The following RELN variants were observed in gnomAD, a reference collection of about 807,000 sequenced individuals.
RELN encodes the protein reelin.
A neutral mutation model predicts 427.6 loss-of-function variants in RELN; 108 were observed. The ratio of observed to expected loss-of-function variants is 0.25; its 90% confidence interval spans 0.22 to 0.30. RELN has a LOEUF of 0.30. Ranked by LOEUF, RELN falls within the 10% of genes least tolerant of loss-of-function variation. The pLI, the probability that RELN is intolerant of heterozygous loss-of-function variation, is 1.00. For synonymous variants in RELN, 1,524 were observed against 1,513.4 expected (o/e 1.01, Z -0.16); for missense variants, 3,715 against 4,302.8 (o/e 0.86, Z 3.82).
At chr7:103,852,672 T>TTG (rs1563051774) in intron 2 of RELN, among the ~76,000 whole-genome samples, 4 of 151,548 alleles carry the variant, frequency 2.6e-5, no homozygotes, top group Admixed American at 6.6e-5. Flanking sequence ...CACCTTTGTT[T>TTG]TTGTTGTTGT....
At chr7:103,753,031 T>C (rs761805610) in intron 5 of RELN, 151 bp downstream of exon 5, 6 of 775,762 alleles carry the variant, frequency 7.7e-6, no homozygotes, top group Non-Finnish European at 8.9e-6. Context: ...TGTGTTCAAG[T>C]ATAATCCGTA....
intron 10 of RELN, 144 bp from the exon 11 acceptor site, chr7:103,682,405 C>T (rs1385250898): frequency 2.4e-6 from 2 of 847,002 alleles, no homozygotes; most frequent in East Asian, 5.1e-5. Context: ...AGCTTGTTAC[C>T]TCTTTTTTGC....
chr7:103,589,794 G>A lies in RELN; in HGVS notation c.3947C>T (p.Thr1316Ile), dbSNP rs1402063651. The change falls in exon 28 of 65, where the codon ACT becomes ATT. Residue 1316 changes from threonine (T) to isoleucine (I), a missense_variant. This residue lies in a region of RELN where 2,208 missense variants were observed against 2,361.7 expected (regional missense o/e 0.93). Coordinates refer to ENST00000428762, the MANE Select transcript of RELN (RefSeq NM_005045.4). ...AGAGTACTGAAGAAGAACTGGAGCA[G>A]TACTGCTGAATTGATTGGCACAACC... ...NIGCANQFSSTAPVLLQYSHD... is the reference protein window; with the variant it reads ...NIGCANQFSSIAPVLLQYSHD... 3.1e-6 allele frequency: 5 copies of A among 1,612,020 alleles called. No homozygotes were observed. Among genetic ancestry groups the A allele is most frequent in the African/African-American group, 2.7e-5 (2 of 75,004 alleles).
intron 28 of RELN, among the ~76,000 whole-genome samples, chr7:103,576,945 T>C (rs6465928): frequency 0.48 from 72,710 of 152,020 alleles, 17,440 homozygotes; most frequent in East Asian, 0.51. Flanking sequence ...TGGAAACACG[T>C]GCACACACGC....
chr7:103,813,864 TATTTA>T lies in RELN; in HGVS notation c.473+19668_473+19672del, dbSNP rs576897899. On this transcript the variant is annotated intron_variant, in intron 3 of 64. Transcript: ENST00000428762. The stretch of plus-strand genomic sequence containing the variant: ...TCACAAGACTATATCTTCATTCTTT[TATTTA>T]AAGTTTTTCTTTTCTTTTCACCCAG... 5.6e-4 allele frequency among the ~76,000 whole-genome samples: 86 copies of T among 152,320 alleles called. 1 individual carries two copies. The highest frequency in any genetic ancestry group is 1.6e-3 in the Admixed American group (24 of 15,294).
At chr7:103,596,143 C>T (rs1831532037) in intron 25 of RELN, among the ~76,000 whole-genome samples, 1 of 152,142 alleles carries the variant, frequency 6.6e-6, no homozygotes, top group African/African-American at 2.4e-5. Context: ...ATCAAACAAG[C>T]CTGCAAATGG....
chr7:103,566,828 A>G (rs1830764683), intron 31 of RELN, 69 bp from the exon 32 acceptor site: 1 of 1,475,946 alleles, frequency 6.8e-7, no homozygotes, highest in African/African-American at 1.4e-5. Flanking sequence ...TATTTCTTAA[A>G]TGGTGAGACT....
intron 11 of RELN, among the ~76,000 whole-genome samples, chr7:103,671,609 A>G (rs1216191508): frequency 6.6e-6 from 1 of 152,158 alleles, no homozygotes; most frequent in Admixed American, 6.6e-5. Flanking sequence ...ATTCAAATGA[A>G]CTTCTAAATT....
chr7:103,587,868 CA>C (rs1220682436), intron 28 of RELN, among the ~76,000 whole-genome samples: 2 of 151,806 alleles, frequency 1.3e-5, no homozygotes, highest in African/African-American at 4.8e-5. Context: ...ATTCAAAAGA[CA>C]AAAAACAAAC....
chr7:103,482,853 G>T lies in RELN; in HGVS notation c.10280+20C>A. The T allele has an allele frequency of 1.9e-6, 3 of 1,610,914 alleles. No homozygotes were observed. On this transcript the variant is annotated intron_variant, in intron 63 of 64. Coordinates refer to ENST00000428762, the MANE Select transcript of RELN (RefSeq NM_005045.4). ...AACCTTCCTGAAATGGACATGGGAT[G>T]CCATGTAATAGATACTCACAGGACG...
At chr7:103,665,025 T>C (rs1375062551) in intron 11 of RELN, among the ~76,000 whole-genome samples, 2 of 152,198 alleles carry the variant, frequency 1.3e-5, no homozygotes, top group Admixed American at 6.5e-5. Context: ...CCTCAAATCA[T>C]AGAGATACTC....
intron 20 of RELN, chr7:103,628,353 C>G (rs929424007): frequency 7.2e-5 from 11 of 152,254 alleles, no homozygotes; most frequent in African/African-American, 2.7e-4. Context: ...GCACTCCAGC[C>G]TGGGTGACAA....
At chr7:103,512,935 CTT>C (rs1829463698) in intron 50 of RELN, 1 of 152,152 alleles carries the variant, frequency 6.6e-6, no homozygotes, top group Non-Finnish European at 1.5e-5. Flanking sequence ...CATATTGTGT[CTT>C]TTTGATTTTG....
rs188372756 is a variant in RELN at position 103,753,175 on chromosome 7, C to A, written c.577+7G>T. On this transcript the variant is annotated splice_region_variant and intron_variant, in intron 5 of 64. Transcript: ENST00000428762. ...AAGTTAATGACATCAGAGTCTTAAA[C>A]ACTTACCTAGATGTGGGTGCACAGT... 1.6e-4 allele frequency: 254 copies of A among 1,613,834 alleles called. No individual in the cohort carries two copies. The African/African-American group carries it at 3.2e-3, about 20-fold the overall frequency.
intron 28 of RELN, among the ~76,000 whole-genome samples, chr7:103,584,136 G>T (rs1035689402): frequency 5.9e-5 from 9 of 152,218 alleles, no homozygotes; most frequent in African/African-American, 2.2e-4. Context: ...AGGTCCCCCA[G>T]TTCTCTAGCC....
chr7:103,796,532 A>G (rs1444655537), intron 3 of RELN, among the ~76,000 whole-genome samples: 2 of 152,192 alleles, frequency 1.3e-5, no homozygotes, highest in African/African-American at 4.8e-5. Context: ...TCCAAAATTT[A>G]CCAAAGAGAG....
At chr7:103,566,084 A>G (rs1830744159) in intron 33 of RELN, 140 bp downstream of exon 33, 3 of 739,532 alleles carry the variant, frequency 4.1e-6, no homozygotes, top group Middle Eastern at 3.7e-4. Flanking sequence ...GCACAATAAA[A>G]CTTTTTTTTC....
At chr7:103,835,368 GAT>G (rs1394490353) in intron 2 of RELN, among the ~76,000 whole-genome samples, 3 of 152,166 alleles carry the variant, frequency 2.0e-5, no homozygotes, top group African/African-American at 7.2e-5. Flanking sequence ...CCGTATGGTG[GAT>G]ATGTGTCCTT....
intron 12 of RELN, among the ~76,000 whole-genome samples, chr7:103,658,466 T>C (rs10480649): frequency 0.044 from 6,732 of 152,150 alleles, 370 homozygotes; most frequent in African/African-American, 0.13. Flanking sequence ...GGTCCAGTCC[T>C]ATCCTATCTA....
Sources: allele counts gnomAD v4.1 joint callset (sites outside exome capture counted in the v4.1 genomes callset), GRCh38; gene constraint gnomAD v4.1.1; regional missense constraint gnomAD v4.1.1; transcripts MANE v1.5; gene names NCBI Gene and HGNC (gene_info 2026-07-23, HGNC 2026-07-21).